Variants in TMEM132B observed in about 807,000 individuals in gnomAD.
The protein encoded by TMEM132B is transmembrane protein 132B.
In TMEM132B, 18 loss-of-function variants were observed where a neutral mutation model predicts 90.8. That is an observed-to-expected ratio of 0.20 (90% CI 0.14 to 0.29). The LOEUF is 0.29. TMEM132B is among the 10% of genes least tolerant of loss of function. The pLI, the probability that TMEM132B is intolerant of heterozygous loss-of-function variation, is 1.00. For synonymous variants in TMEM132B, 504 were observed against 523.3 expected, an observed-to-expected ratio of 0.96 and a Z score of 0.50; for missense variants, 1,096 against 1,326.8, an observed-to-expected ratio of 0.83 and a Z score of 2.70.
At chr12:125,329,748 G>A (rs970175091) in intron 1 of TMEM132B, among the ~76,000 whole-genome samples, 3 of 152,094 alleles carry the variant, frequency 2.0e-5, no homozygotes, top group Non-Finnish European at 2.9e-5. Context: ...CCCCAGCCCC[G>A]GCCCCTTGAC....
At chr12:125,370,284 T>C (rs1203657624) in intron 2 of TMEM132B, among the ~76,000 whole-genome samples, 1 of 152,202 alleles carries the variant, frequency 6.6e-6, no homozygotes, top group Non-Finnish European at 1.5e-5. Flanking sequence ...AAGGATTTTA[T>C]GATTATGTTG....
At chr12:125,466,076 C>T (rs1006350633) in intron 3 of TMEM132B, among the ~76,000 whole-genome samples, 9 of 152,178 alleles carry the variant, frequency 5.9e-5, no homozygotes, top group African/African-American at 1.2e-4. Flanking sequence ...TGGCCTAAGA[C>T]GCCAGGGTTC....
At chr12:125,605,633 G>A (rs1374783792) in intron 5 of TMEM132B, among the ~76,000 whole-genome samples, 1 of 152,112 alleles carries the variant, frequency 6.6e-6, no homozygotes, top group Non-Finnish European at 1.5e-5. Context: ...TACTCTGTAA[G>A]TAGAGTCATT....
intron 5 of TMEM132B, among the ~76,000 whole-genome samples, chr12:125,611,392 T>A (rs767459663): frequency 1.2e-4 from 19 of 152,046 alleles, no homozygotes; most frequent in Non-Finnish European, 2.4e-4. Flanking sequence ...TTTTTTTCTA[T>A]GATATATTTC....
At chr12:125,428,259 AC>A (rs1441303190) in intron 3 of TMEM132B, among the ~76,000 whole-genome samples, 1 of 151,914 alleles carries the variant, frequency 6.6e-6, no homozygotes, top group Non-Finnish European at 1.5e-5. Flanking sequence ...CTCCCAAAGT[AC>A]TAGGATTACA....
chr12:125,202,699 C>T (rs996638263), intron 1 of TMEM132B, among the ~76,000 whole-genome samples: 1 of 152,196 alleles, frequency 6.6e-6, no homozygotes, highest in Non-Finnish European at 1.5e-5. Context: ...AGGGAAGTTA[C>T]ACAAGGAGGG....
At chr12:125,255,149 C>G (rs1449847877) in intron 1 of TMEM132B, among the ~76,000 whole-genome samples, 1 of 152,164 alleles carries the variant, frequency 6.6e-6, no homozygotes, top group Non-Finnish European at 1.5e-5. Flanking sequence ...GTGCCCTTGC[C>G]TTTGCCACCC....
chr12:125,617,264 A>C (rs1217135365), intron 5 of TMEM132B, among the ~76,000 whole-genome samples: 4 of 151,432 alleles, frequency 2.6e-5, no homozygotes, highest in East Asian at 1.9e-4. Flanking sequence ...ACCTTATGTC[A>C]CTTCTCAGAA....
At chr12:125,598,804 C>T (rs1885505624) in intron 5 of TMEM132B, among the ~76,000 whole-genome samples, 1 of 152,034 alleles carries the variant, frequency 6.6e-6, no homozygotes, top group Non-Finnish European at 1.5e-5. Flanking sequence ...GTTATGAGTG[C>T]TGAGGTTGAA....
chr12:125,518,328 G>T lies in TMEM132B; in HGVS notation c.1107-1111G>T, dbSNP rs796768544. On this transcript the variant is annotated intron_variant, in intron 3 of 8. Coordinates refer to ENST00000682704, the MANE Select transcript of TMEM132B (RefSeq NM_001366854.1). ...AGTTTCTTTTTCAAAACTCCACACA[G>T]GTTGTGAGTTTGGGAGCCCAGACTG... Among the ~76,000 whole-genome samples the T allele has an allele frequency of 1.5e-4, 23 of 152,308 alleles. 1 individual carries two copies. Among genetic ancestry groups the T allele is most frequent in the African/African-American group, 5.3e-4 (22 of 41,574 alleles).
chr12:125,229,761 T>C lies in TMEM132B; in HGVS notation c.67+42895T>C, dbSNP rs80273537. Among the ~76,000 whole-genome samples, 370 of 152,376 alleles carry C rather than the reference T, an allele frequency of 2.4e-3. 1 individual carries two copies. Among genetic ancestry groups the C allele is most frequent in the African/African-American group, 8.4e-3 (349 of 41,596 alleles). On this transcript the variant is annotated intron_variant, in intron 1 of 8. Transcript: ENST00000682704. ...TGCTGGCTTCTGTTGGCTGTGTTTCTGCACAGGTTTTCCTCATGAGATATC... is the reference window on the plus strand; with the variant it reads ...TGCTGGCTTCTGTTGGCTGTGTTTCCGCACAGGTTTTCCTCATGAGATATC...
intron 1 of TMEM132B, among the ~76,000 whole-genome samples, chr12:125,217,343 A>G (rs983008289): frequency 2.6e-4 from 40 of 152,196 alleles, no homozygotes; most frequent in African/African-American, 9.4e-4. Flanking sequence ...CCCATCTTAT[A>G]TATTGGGGTA....
intron 1 of TMEM132B, among the ~76,000 whole-genome samples, chr12:125,256,233 C>A (rs1416099919): frequency 6.6e-6 from 1 of 152,104 alleles, no homozygotes; most frequent in Non-Finnish European, 1.5e-5. Context: ...TTGGAAATTG[C>A]AATACAGTCT....
chr12:125,198,750 G>T (rs75981760), intron 1 of TMEM132B, among the ~76,000 whole-genome samples: 2,363 of 152,294 alleles, frequency 0.016, 61 homozygotes, highest in African/African-American at 0.054. Context: ...CACCAAGTAG[G>T]GTGGTGAGAA....
chr12:125,515,746 A>C (rs1256578943), intron 3 of TMEM132B, among the ~76,000 whole-genome samples: 1 of 151,698 alleles, frequency 6.6e-6, no homozygotes, highest in African/African-American at 2.4e-5. Context: ...ACACATTCTC[A>C]CACATATTCA....
intron 2 of TMEM132B, among the ~76,000 whole-genome samples, chr12:125,377,846 G>A (rs886081071): frequency 6.6e-6 from 1 of 152,140 alleles, no homozygotes; most frequent in Non-Finnish European, 1.5e-5. Context: ...CACCCACCCA[G>A]CTGGTGAGAT....
intron 2 of TMEM132B, among the ~76,000 whole-genome samples, chr12:125,363,135 T>G (rs1332297118): frequency 6.6e-6 from 1 of 152,176 alleles, no homozygotes; most frequent in Non-Finnish European, 1.5e-5. Flanking sequence ...CTGGAGCCAG[T>G]TTGCTGGCTC....
intron 3 of TMEM132B, among the ~76,000 whole-genome samples, chr12:125,436,612 G>A (rs1235636782): frequency 6.6e-6 from 1 of 152,174 alleles, no homozygotes; most frequent in Non-Finnish European, 1.5e-5. Context: ...GAAGCAAAGG[G>A]AGACGCACAG....
At chr12:125,639,933 G>T (rs1243017353) in intron 5 of TMEM132B, among the ~76,000 whole-genome samples, 2 of 152,150 alleles carry the variant, frequency 1.3e-5, no homozygotes, top group Non-Finnish European at 2.9e-5. Context: ...CTGATAAAAC[G>T]CCTCAAAGTC....
Sources: allele counts gnomAD v4.1 joint callset (sites outside exome capture counted in the v4.1 genomes callset), GRCh38; gene constraint gnomAD v4.1.1; transcripts MANE v1.5; gene names NCBI Gene and HGNC (gene_info 2026-07-23, HGNC 2026-07-21).